Variants in SEH1L observed in about 807,000 individuals in gnomAD.
The protein encoded by SEH1L is nucleoporin SEH1.
In SEH1L, 18 loss-of-function variants were observed where a neutral mutation model predicts 49.5. The ratio of observed to expected loss-of-function variants is 0.36; its 90% CI spans 0.25 to 0.54. The LOEUF (loss-of-function observed/expected upper bound fraction) is 0.54. Among genes scored for constraint, SEH1L ranks in the 20% least tolerant of loss-of-function variants. The probability of loss-of-function intolerance (pLI) is 0.87; values close to 1 mark genes in which losing one functional copy is unlikely to be tolerated. For missense variants in SEH1L, 404 were observed against 528.8 expected (o/e 0.76, Z 2.31); for synonymous variants, 169 against 178.1 (o/e 0.95, Z 0.41).
intron 3 of SEH1L, among the ~76,000 whole-genome samples, chr18:12,959,649 C>G (rs770719649): frequency 4.6e-5 from 7 of 152,102 alleles, no homozygotes; most frequent in Admixed American, 2.0e-4. Context: ...ATATTTTCTC[C>G]CGTTCTGTGG....
At chr18:12,985,573 T>C in intron 8 of SEH1L, 1 of 1,094,998 alleles carries the variant, frequency 9.1e-7, no homozygotes. Flanking sequence ...TTGTTACCAT[T>C]CTTATCTGAG....
At chr18:12,955,686 A>G in intron 3 of SEH1L, 77 bp downstream of exon 3, 2 of 1,464,388 alleles carry the variant, frequency 1.4e-6, no homozygotes, top group South Asian at 2.4e-5. Flanking sequence ...GCTACCTCAG[A>G]TAATTGGTAA....
At chr18:12,959,926 G>A (rs1230307865) in intron 3 of SEH1L, among the ~76,000 whole-genome samples, 1 of 152,118 alleles carries the variant, frequency 6.6e-6, no homozygotes, top group Non-Finnish European at 1.5e-5. Context: ...AGGTTTATTC[G>A]ATTTGGCTAA....
At chr18:12,965,009 C>CA (rs2031375722) in intron 4 of SEH1L, among the ~76,000 whole-genome samples, 1 of 82,628 alleles carries the variant, frequency 1.2e-5, no homozygotes, top group Admixed American at 1.8e-4. Flanking sequence ...TTTCCTCATT[C>CA]TTTTTTTTTT....
At chr18:12,969,392 T>TA (rs1228320943) in intron 4 of SEH1L, among the ~76,000 whole-genome samples, 13 of 145,798 alleles carry the variant, frequency 8.9e-5, no homozygotes, top group South Asian at 6.6e-4. Context: ...CAGTCTCAAT[T>TA]AAAAAAAAAA....
At chr18:12,985,255 A>G in intron 8 of SEH1L, 1 of 1,609,554 alleles carries the variant, frequency 6.2e-7, no homozygotes. Context: ...ACAGCTGAGT[A>G]CAAGCTAACT....
At chr18:12,962,459 C>CTTTTTTTTTTTTTTTTTTTTTTT (rs3070220) in intron 3 of SEH1L, among the ~76,000 whole-genome samples, 2 of 63,662 alleles carry the variant, frequency 3.1e-5, no homozygotes, top group South Asian at 7.0e-4. Flanking sequence ...GCATGCCTTT[C>CTTTTTTTTTTTTTTTTTTTTTTT]TTTTTTTTTT....
At chr18:12,960,746 T>A (rs66661616) in intron 3 of SEH1L, among the ~76,000 whole-genome samples, 12,256 of 152,256 alleles carry the variant, frequency 0.08, 692 homozygotes, top group East Asian at 0.23. Context: ...GAAGGACTTT[T>A]CTTTGAATTT....
At chr18:12,975,306 C>A (rs1048152203) in intron 5 of SEH1L, among the ~76,000 whole-genome samples, 1 of 151,490 alleles carries the variant, frequency 6.6e-6, no homozygotes, top group Admixed American at 6.6e-5. Flanking sequence ...TAATTAATTA[C>A]AATATATAGC....
intron 4 of SEH1L, among the ~76,000 whole-genome samples, chr18:12,970,818 T>C (rs1598963826): frequency 6.6e-6 from 1 of 152,200 alleles, no homozygotes; most frequent in Non-Finnish European, 1.5e-5. Flanking sequence ...GACCAAAAAT[T>C]TCAGGAGGAA....
At chr18:12,964,762 A>G (rs925311059) in intron 4 of SEH1L, among the ~76,000 whole-genome samples, 12 of 150,036 alleles carry the variant, frequency 8.0e-5, no homozygotes, top group African/African-American at 2.9e-4. Flanking sequence ...CAGCCTCCCA[A>G]GTAGCTGGAA....
rs143526067 is a variant in SEH1L, at chr18:12,956,931, G to A, written c.309+1322G>A. Among the ~76,000 whole-genome samples, 21 of 152,296 alleles carry A rather than the reference G, an allele frequency of 1.4e-4. 1 individual carries two copies. In the East Asian group the frequency reaches 4.1e-3, roughly 29 times the overall value. On this transcript the variant is annotated intron_variant, in intron 3 of 8. Transcript: ENST00000399892. Reference sequence around the variant, plus strand: ...AAATACAAAAAATTAGCCCGGCATGGTGGTGGGTGCCTGTAAGTCCCAGCT... The same window carrying A: ...AAATACAAAAAATTAGCCCGGCATGATGGTGGGTGCCTGTAAGTCCCAGCT...
At chr18:12,980,815 CG>C (rs1259085497) in intron 6 of SEH1L, among the ~76,000 whole-genome samples, 2 of 110,644 alleles carry the variant, frequency 1.8e-5, no homozygotes, top group Admixed American at 1.6e-4. Context: ...GCTGGCCGGG[CG>C]GGGGGCTGAC....
intron 5 of SEH1L, chr18:12,976,276 C>T (rs2031913586): frequency 1.3e-5 from 2 of 152,370 alleles, no homozygotes; most frequent in South Asian, 2.1e-4. Flanking sequence ...AGAGTCTTCT[C>T]ATGAGGCAGG....
chr18:12,978,552 G>A (rs536058831), intron 5 of SEH1L, 200 bp from the exon 6 acceptor site: 6 of 451,924 alleles, frequency 1.3e-5, no homozygotes, highest in Middle Eastern at 1.2e-3. Context: ...TTTCAAAGAC[G>A]CTATTTTTGA....
rs754968936 is a variant in SEH1L at position 12,963,390 on chromosome 18, C to A, written c.521+19C>A. 1.0e-5 allele frequency: 16 copies of A among 1,560,606 alleles called. No individual in the cohort carries two copies. Among genetic ancestry groups the A allele is most frequent in the Non-Finnish European group, 1.3e-5 (15 of 1,132,080 alleles). ...CTTCAAGGTAAGTTTACATATTAAA[C>A]CTCTGATAACATCCTAGTAAAATAA... On this transcript the variant is annotated intron_variant, in intron 4 of 8. Coordinates refer to ENST00000399892, the MANE Select transcript of SEH1L (RefSeq NM_001013437.2).
At position 12,982,688 on chromosome 18, in the gene SEH1L, T is replaced by G. The variant is rs370700080; in HGVS notation, c.919+13T>G. 27 of 1,578,578 alleles carry G rather than the reference T, an allele frequency of 1.7e-5. No homozygotes were observed. The highest frequency in any genetic ancestry group is 2.2e-5 in the Non-Finnish European group (26 of 1,160,112). ...AGATTGTGGAAAGGTAAGAGTTCAG[T>G]GAAGGGGTAATTGTTGGTTTATATT... On this transcript the variant is annotated intron_variant, in intron 7 of 8. Transcript: ENST00000399892.
chr18:12,961,676 T>G (rs1242079729), intron 3 of SEH1L, among the ~76,000 whole-genome samples: 1 of 149,528 alleles, frequency 6.7e-6, no homozygotes, highest in African/African-American at 2.5e-5. Context: ...ATTGACTTAG[T>G]TTTTTTTTGA....
intron 2 of SEH1L, 106 bp from the exon 3 acceptor site, chr18:12,955,357 C>T (rs2030786171): frequency 1.9e-6 from 2 of 1,033,816 alleles, no homozygotes; most frequent in Non-Finnish European, 2.8e-6. Context: ...TATTCTGTTT[C>T]CTGATGTAAA....
Sources: allele counts gnomAD v4.1 joint callset (sites outside exome capture counted in the v4.1 genomes callset), GRCh38; gene constraint gnomAD v4.1.1; transcripts MANE v1.5; gene names NCBI Gene and HGNC (gene_info 2026-07-23, HGNC 2026-07-21).